Variants in STX8 observed in about 807,000 individuals in gnomAD.
The protein encoded by STX8 is syntaxin 8.
STX8 carries 23 observed loss-of-function variants against 37.5 expected under a neutral mutation model. The observed-to-expected ratio is 0.61, with a 90% CI of 0.44 to 0.87. The LOEUF (loss-of-function observed/expected upper bound fraction) is 0.87. STX8 is among the 40% of genes least tolerant of loss of function. The pLI is 0.00. For missense variants in STX8, 313 were observed against 284.7 expected, an observed-to-expected ratio of 1.10 and a Z score of -0.71; for synonymous variants, 115 against 99.1, an observed-to-expected ratio of 1.16 and a Z score of -0.95.
chr17:9,416,196 T>C (rs528012332), intron 6 of STX8, among the ~76,000 whole-genome samples: 2 of 152,312 alleles, frequency 1.3e-5, no homozygotes, highest in South Asian at 4.1e-4. Context: ...CTAGGCTTCA[T>C]TCTCAGAGAT....
rs34806016 is a variant in STX8 at position 9,380,254 on chromosome 17, GTTTTTTTTTTT to G, written c.542-1612_542-1602del. 1.5e-4 allele frequency among the ~76,000 whole-genome samples: 13 copies of G among 89,442 alleles called. 1 individual carries two copies. The highest frequency in any genetic ancestry group is 5.8e-4 in the African/African-American group (12 of 20,856). The allele number at this position is 89,442 out of a possible 152,430, so 58.7% of individuals were successfully genotyped here. ...TTCTGTGTTGTTTGAATTTCTGTGT[GTTTTTTTTTTT>G]TTTTTTTTTTTGAGAGAGAGGGTCT... On this transcript the variant is annotated intron_variant, in intron 6 of 7. Transcript: ENST00000306357.
chr17:9,515,802 G>A (rs1783037420), intron 4 of STX8, among the ~76,000 whole-genome samples: 1 of 152,164 alleles, frequency 6.6e-6, no homozygotes. Context: ...GGGATTACAG[G>A]CATGAGCCAC....
intron 6 of STX8, among the ~76,000 whole-genome samples, chr17:9,400,243 C>A (rs1183715894): frequency 1.3e-5 from 2 of 151,610 alleles, no homozygotes; most frequent in East Asian, 3.9e-4. Flanking sequence ...GCTGAGACTA[C>A]AGGCGCCCGC....
At chr17:9,500,132 G>A (rs1411735549) in intron 5 of STX8, among the ~76,000 whole-genome samples, 1 of 152,102 alleles carries the variant, frequency 6.6e-6, no homozygotes, top group Non-Finnish European at 1.5e-5. Context: ...TAAAACTGAA[G>A]ATGTAAGAGA....
At chr17:9,285,337 C>T (rs1908034941) in intron 7 of STX8, among the ~76,000 whole-genome samples, 1 of 151,140 alleles carries the variant, frequency 6.6e-6, no homozygotes, top group Admixed American at 6.6e-5. Context: ...GCTGAGCCAC[C>T]AAACTCTATT....
intron 6 of STX8, among the ~76,000 whole-genome samples, chr17:9,458,316 A>AT (rs943574572): frequency 1.8e-4 from 27 of 152,070 alleles, no homozygotes; most frequent in African/African-American, 5.1e-4. Context: ...CGCCTGGCTA[A>AT]TTTTTTGTAT....
At position 9,460,614 on chromosome 17, in the gene STX8, A is replaced by G. The variant is rs1389212598; in HGVS notation, c.541+31215T>C. ...CTTGAACCCGGGAGGTGGAGGTTGC[A>G]GTGAGCCGAGATCGTGCCACTGCAC... On this transcript the variant is annotated intron_variant, in intron 6 of 7. Transcript: ENST00000306357. Among the ~76,000 whole-genome samples the G allele has an allele frequency of 3.4e-5, 5 of 145,354 alleles. No homozygotes were observed. In the East Asian group the frequency reaches 1.1e-3, roughly 33 times the overall value.
chr17:9,373,987 C>T (rs1419210267), intron 7 of STX8, among the ~76,000 whole-genome samples: 1 of 149,840 alleles, frequency 6.7e-6, no homozygotes, highest in African/African-American at 2.5e-5. Flanking sequence ...CGAAGTGAGA[C>T]TCTATCTCTA....
At chr17:9,423,778 G>A (rs1913527192) in intron 6 of STX8, among the ~76,000 whole-genome samples, 1 of 152,176 alleles carries the variant, frequency 6.6e-6, no homozygotes, top group African/African-American at 2.4e-5. Flanking sequence ...TGTGCCACAG[G>A]TTAGAATTTT....
chr17:9,357,777 C>T (rs1215560878), intron 7 of STX8, among the ~76,000 whole-genome samples: 11 of 152,058 alleles, frequency 7.2e-5, no homozygotes, highest in African/African-American at 1.7e-4. Context: ...GAGTGAAGGG[C>T]GCAATGCCTC....
At chr17:9,310,176 CA>C (rs1159559886) in intron 7 of STX8, among the ~76,000 whole-genome samples, 3 of 152,076 alleles carry the variant, frequency 2.0e-5, no homozygotes, top group African/African-American at 7.2e-5. Flanking sequence ...AACACACACA[CA>C]AAAAAACAGG....
intron 6 of STX8, among the ~76,000 whole-genome samples, chr17:9,486,946 A>C (rs984290489): frequency 1.3e-5 from 2 of 152,134 alleles, no homozygotes; most frequent in African/African-American, 4.8e-5. Flanking sequence ...ACTAAAGAGC[A>C]CTAGAATTTG....
At chr17:9,375,147 T>C (rs773120786) in intron 7 of STX8, among the ~76,000 whole-genome samples, 3 of 151,972 alleles carry the variant, frequency 2.0e-5, no homozygotes, top group Non-Finnish European at 2.9e-5. Flanking sequence ...TTCTCCCTTT[T>C]GAATCATTAC....
chr17:9,391,137 C>T (rs192215805), intron 6 of STX8, among the ~76,000 whole-genome samples: 5 of 152,094 alleles, frequency 3.3e-5, no homozygotes, highest in Admixed American at 6.5e-5. Context: ...AGAAGCATTA[C>T]GAGACACCCT....
intron 7 of STX8, among the ~76,000 whole-genome samples, chr17:9,307,243 C>T (rs1909029650): frequency 6.6e-6 from 1 of 151,998 alleles, no homozygotes; most frequent in Non-Finnish European, 1.5e-5. Context: ...TTTTGCCATC[C>T]CCCCCACCAA....
chr17:9,523,927 G>A (rs959371797), intron 4 of STX8, among the ~76,000 whole-genome samples: 2 of 152,150 alleles, frequency 1.3e-5, no homozygotes, highest in African/African-American at 4.8e-5. Flanking sequence ...CATTCAAGAT[G>A]CACAAAAGCC....
chr17:9,278,459 A>G (rs1286303924), intron 7 of STX8, among the ~76,000 whole-genome samples: 2 of 152,152 alleles, frequency 1.3e-5, no homozygotes, highest in African/African-American at 4.8e-5. Flanking sequence ...CAGAAAAAAA[A>G]AAAAAATAGA....
intron 5 of STX8, among the ~76,000 whole-genome samples, 157 bp from the exon 6 acceptor site, chr17:9,492,078 A>T (rs1172741164): frequency 2.6e-5 from 4 of 152,220 alleles, no homozygotes; most frequent in African/African-American, 9.6e-5. Flanking sequence ...TAAAAACTAA[A>T]CACCTACCTG....
rs530321836 is a variant in STX8 at position 9,328,099 on chromosome 17, G to A, written c.643+50453C>T. The stretch of plus-strand genomic sequence containing the variant: ...TTTTCTTTTCTTTCTTTCTTTCAGA[G>A]CTAGATCTCACTATGTTGCCCAGGC... On this transcript the variant is annotated intron_variant, in intron 7 of 7. Transcript: ENST00000306357. Among the ~76,000 whole-genome samples the A allele has an allele frequency of 8.9e-5, 12 of 135,490 alleles. No individual in the cohort carries two copies. The South Asian group carries it at 2.3e-3, about 26-fold the overall frequency. 88.9% of individuals were successfully genotyped at this position (135,490 alleles called of 152,430 possible). A position where few individuals can be genotyped will look rare whatever the true frequency, so the allele number is the denominator to read the frequency against.
Sources: allele counts gnomAD v4.1 joint callset (sites outside exome capture counted in the v4.1 genomes callset), GRCh38; gene constraint gnomAD v4.1.1; transcripts MANE v1.5; gene names NCBI Gene and HGNC (gene_info 2026-07-23, HGNC 2026-07-21).